Variants in LGSN observed in about 807,000 individuals in gnomAD.
LGSN encodes the protein lengsin.
LGSN carries 21 observed loss-of-function variants against 19.5 expected under a neutral mutation model. That is an observed-to-expected ratio of 1.07 (90% CI 0.76 to 1.55). LGSN has a LOEUF of 1.55. LGSN is among the 40% of genes most tolerant of loss of function. The pLI, the probability that LGSN is intolerant of heterozygous loss-of-function variation, is 0.00. For synonymous variants in LGSN, 257 were observed against 215.6 expected (o/e 1.19, Z -1.68); for missense variants, 673 against 608.5 (o/e 1.11, Z -1.12).
At chr6:63,355,954 C>T in the LGSN span, among the ~76,000 whole-genome samples, 9 of 152,140 alleles carry the variant, frequency 5.9e-5, no homozygotes, top group Non-Finnish European at 8.8e-5. Context: ...GCTGGTATTA[C>T]AGGCGTGAGC....
At chr6:63,381,321 A>T in the LGSN span, among the ~76,000 whole-genome samples, 6 of 152,226 alleles carry the variant, frequency 3.9e-5, no homozygotes, top group African/African-American at 1.4e-4. Flanking sequence ...AAATAGTTCA[A>T]ATCAGGGCAT....
the LGSN span, among the ~76,000 whole-genome samples, chr6:63,544,116 T>A: frequency 6.6e-6 from 1 of 152,254 alleles, no homozygotes; most frequent in East Asian, 1.9e-4. Flanking sequence ...CTTACAATTG[T>A]GGGGAGTAAA....
the LGSN span, among the ~76,000 whole-genome samples, chr6:63,561,522 C>T: frequency 6.6e-6 from 1 of 152,144 alleles, no homozygotes; most frequent in African/African-American, 2.4e-5. Flanking sequence ...CATCATCTTC[C>T]TTCTGTTCTC....
rs2127388004 is a variant in LGSN at position 63,294,894 on chromosome 6, A to G, written c.163+19T>C. 6.2e-7 allele frequency: 1 copy of G among 1,613,078 alleles called. No individual in the cohort carries two copies. Among genetic ancestry groups the G allele is most frequent in the Non-Finnish European group, 8.5e-7 (1 of 1,179,302 alleles). ...GCCTCTGACCACACCATTTTTGAGG[A>G]CTCAGAGTAGTTAGATACCATTTGA... is the stretch of plus-strand genomic sequence containing the variant. On this transcript the variant is annotated intron_variant, in intron 2 of 3. Coordinates refer to ENST00000370657, the MANE Select transcript of LGSN (RefSeq NM_016571.3).
chr6:63,523,359 C>G, the LGSN span, among the ~76,000 whole-genome samples: 2 of 151,944 alleles, frequency 1.3e-5, no homozygotes, highest in Non-Finnish European at 2.9e-5. Context: ...ATGGCAAAAC[C>G]CTGTCTCTAC....
the LGSN span, among the ~76,000 whole-genome samples, chr6:63,400,930 G>A: frequency 6.6e-6 from 1 of 152,046 alleles, no homozygotes; most frequent in South Asian, 2.1e-4. Context: ...GGAGGTGGAG[G>A]TTGCAGCGAG....
the LGSN span, among the ~76,000 whole-genome samples, chr6:63,510,285 A>T: frequency 6.6e-6 from 1 of 152,124 alleles, no homozygotes; most frequent in Non-Finnish European, 1.5e-5. Context: ...GTTCCACCTC[A>T]TCTGCACTTT....
chr6:63,389,991 AAC>A, the LGSN span, among the ~76,000 whole-genome samples: 1 of 152,070 alleles, frequency 6.6e-6, no homozygotes, highest in East Asian at 1.9e-4. Flanking sequence ...GCCTAAAGAA[AAC>A]ACACCTTTTG....
chr6:63,361,296 G>A, the LGSN span, among the ~76,000 whole-genome samples: 48 of 152,260 alleles, frequency 3.2e-4, no homozygotes, highest in Middle Eastern at 3.4e-3. Flanking sequence ...AGCTGCAGTG[G>A]GCTCCACCCA....
At chr6:63,501,626 A>T in the LGSN span, among the ~76,000 whole-genome samples, 6 of 152,026 alleles carry the variant, frequency 3.9e-5, no homozygotes, top group African/African-American at 1.4e-4. Context: ...TAATTGTTGG[A>T]TTTTTTCCAT....
chr6:63,405,109 T>C, the LGSN span, among the ~76,000 whole-genome samples: 4 of 151,794 alleles, frequency 2.6e-5, no homozygotes, highest in African/African-American at 9.7e-5. Context: ...TCCAATTTCA[T>C]CCATGTCCCT....
chr6:63,326,805 G>T, the LGSN span, among the ~76,000 whole-genome samples: 2 of 151,706 alleles, frequency 1.3e-5, no homozygotes, highest in Admixed American at 6.6e-5. Flanking sequence ...CAAGTGCCGT[G>T]CGCAGCCCCA....
the LGSN span, among the ~76,000 whole-genome samples, chr6:63,543,080 T>A: frequency 6.6e-6 from 1 of 152,234 alleles, no homozygotes; most frequent in Non-Finnish European, 1.5e-5. Context: ...CCACTGCACC[T>A]TCTCCTGGCT....
At chr6:63,403,797 T>C in the LGSN span, among the ~76,000 whole-genome samples, 1 of 152,172 alleles carries the variant, frequency 6.6e-6, no homozygotes, top group Non-Finnish European at 1.5e-5. Context: ...GATTCCCACA[T>C]CCTGGTGTTC....
the LGSN span, among the ~76,000 whole-genome samples, chr6:63,512,712 T>C: frequency 6.6e-6 from 1 of 152,276 alleles, no homozygotes; most frequent in African/African-American, 2.4e-5. Context: ...TAAACATATC[T>C]GAGATTTTGT....
the LGSN span, among the ~76,000 whole-genome samples, chr6:63,361,509 G>T: frequency 6.6e-6 from 1 of 152,086 alleles, no homozygotes; most frequent in East Asian, 1.9e-4. Flanking sequence ...TCGGAAAAGC[G>T]CAGTATTAGG....
At chr6:63,286,056 G>A (rs991209750) in intron 2 of LGSN, among the ~76,000 whole-genome samples, 2 of 152,118 alleles carry the variant, frequency 1.3e-5, no homozygotes, top group East Asian at 1.9e-4. Flanking sequence ...TTTGCTTATG[G>A]AAATTAGAAC....
At chr6:63,485,436 C>G in the LGSN span, among the ~76,000 whole-genome samples, 1 of 152,120 alleles carries the variant, frequency 6.6e-6, no homozygotes, top group African/African-American at 2.4e-5. Context: ...AGTCTATCTT[C>G]GATGGGCATT....
chr6:63,505,633 G>GAAAGAAAGAAAGAAATAAAT, the LGSN span, among the ~76,000 whole-genome samples: 133 of 97,216 alleles, frequency 1.4e-3, 20 homozygotes, highest in African/African-American at 4.2e-3. Context: ...AAGAAAGAAA[G>GAAAGAAAGAAAGAAATAAAT]AAATTCTGGC....
Sources: gnomAD v4.1 joint callset for allele counts (sites outside exome capture counted in the v4.1 genomes callset) on GRCh38, gnomAD v4.1.1 for gene constraint, MANE v1.5 for transcripts, NCBI Gene and HGNC (gene_info 2026-07-23, HGNC 2026-07-21) for gene names.